BTD: variants seen among roughly 807,000 people sequenced by gnomAD.
BTD encodes the protein biotinidase.
Under a neutral mutation model 17.7 loss-of-function variants are expected in BTD, and 13 were observed. The observed-to-expected ratio is 0.74, with a 90% CI of 0.48 to 1.17. BTD has a LOEUF of 1.17. BTD is among the 50% of genes most tolerant of loss of function. The pLI is 0.00. For missense variants in BTD, 674 were observed against 650.4 expected (o/e 1.04, Z -0.39); for synonymous variants, 240 against 245.2 (o/e 0.98, Z 0.20).
chr3:15,716,741 T>C (rs796536210), downstream of BTD, among the ~76,000 whole-genome samples: 3 of 152,286 alleles, frequency 2.0e-5, no homozygotes, highest in African/African-American at 7.2e-5. Context: ...ATGATGAAAT[T>C]TGGAAGATAT....
Position 15,641,913 on chromosome 3 carries a change from A to G in BTD, c.255A>G (p.Val85=). 6.2e-7 allele frequency: 1 copy of G among 1,609,030 alleles called. No individual in the cohort carries two copies. The highest frequency in any genetic ancestry group is 1.1e-5 in the South Asian group (1 of 90,652). ...QQVMTAAQKD[V]QIIVFPEDGI... is the part of the protein sequence containing the mutation. The stretch of plus-strand genomic sequence containing the variant: ...TTTGATGTTTTCATTTTCAGGATGT[A>G]CAGATTATAGTGTTTCCAGAAGATG... Residue 85 remains valine (V), a synonymous_variant, in exon 3 of 4, where the codon GTA becomes GTG. Coordinates refer to ENST00000643237, the MANE Select transcript of BTD (RefSeq NM_001370658.1).
At chr3:15,666,343 G>C in intron 3 of BTD, among the ~76,000 whole-genome samples, 1 of 152,178 alleles carries the variant, frequency 6.6e-6, no homozygotes, top group Non-Finnish European at 1.5e-5. Flanking sequence ...TGACTGCCTG[G>C]ATTTGAATCT....
chr3:15,658,743 G>C (rs2065895147), intron 3 of BTD, among the ~76,000 whole-genome samples: 1 of 152,154 alleles, frequency 6.6e-6, no homozygotes, highest in Non-Finnish European at 1.5e-5. Flanking sequence ...TCTCCAATCT[G>C]TATTCAATGC....
intron 3 of BTD, chr3:15,676,757 G>C: frequency 2.5e-6 from 1 of 399,982 alleles, no homozygotes; most frequent in Non-Finnish European, 4.5e-6. Flanking sequence ...ATACATTATT[G>C]TCAATGTTAT....
chr3:15,713,696 G>A (rs78839093), downstream of BTD: 5,170 of 1,138,502 alleles, frequency 4.5e-3, 29 homozygotes, highest in East Asian at 0.015. Context: ...CAGGTCAAAC[G>A]TACTACATGA....
chr3:15,715,240 T>A (rs1038764512), downstream of BTD, among the ~76,000 whole-genome samples: 3 of 152,178 alleles, frequency 2.0e-5, no homozygotes, highest in African/African-American at 7.2e-5. Context: ...TTAGGTAGTG[T>A]CTTTTCTTTT....
At chr3:15,671,774 G>A (rs1032959798) in intron 3 of BTD, among the ~76,000 whole-genome samples, 1 of 151,770 alleles carries the variant, frequency 6.6e-6, no homozygotes, top group Admixed American at 6.6e-5. Context: ...TAGTAGAGAT[G>A]GGATTTCGCT....
At position 15,645,311 on chromosome 3, in the gene BTD, C is replaced by G. The variant is rs201604102; in HGVS notation, c.1395C>G (p.His465Gln). The change falls in exon 4 of 4, where the codon CAC becomes CAG. Residue 465 changes from histidine (H) to glutamine (Q), a missense_variant. Coordinates refer to ENST00000643237, the MANE Select transcript of BTD (RefSeq NM_001370658.1). ...AGGCCACGGGGATATTTGAGTTTCA[C>G]CTGTGGGGCAACTTCAGTACTTCCT... ...ITEATGIFEF[H>Q]LWGNFSTSYI... The G allele has an allele frequency of 1.2e-5, 19 of 1,614,204 alleles. No individual in the cohort carries two copies. In the African/African-American group the frequency reaches 2.5e-4, roughly 22 times the overall value.
At chr3:15,674,833 G>A (rs1297768359) in intron 3 of BTD, among the ~76,000 whole-genome samples, 2 of 152,208 alleles carry the variant, frequency 1.3e-5, no homozygotes, top group South Asian at 2.1e-4. Flanking sequence ...ACGATCAGTT[G>A]TGCCAAAAGC....
At chr3:15,710,387 C>T (rs967530350) in exon 4 of BTD, among the ~76,000 whole-genome samples, 19 of 152,080 alleles carry the variant, frequency 1.2e-4, no homozygotes, top group Admixed American at 9.2e-4. Flanking sequence ...TCTGTTGTCC[C>T]TCTCTCTGTA....
intron 1 of BTD, among the ~76,000 whole-genome samples, chr3:15,627,692 C>T (rs551468459): frequency 1.3e-5 from 2 of 152,274 alleles, no homozygotes; most frequent in Admixed American, 1.3e-4. Flanking sequence ...TGTTTCTAGC[C>T]TATCCTATTA....
intron 3 of BTD, among the ~76,000 whole-genome samples, chr3:15,700,882 G>A (rs2070482617): frequency 6.6e-6 from 1 of 152,160 alleles, no homozygotes; most frequent in African/African-American, 2.4e-5. Context: ...CCATAAAAGT[G>A]AAATAGCCTC....
intron 1 of BTD, among the ~76,000 whole-genome samples, chr3:15,627,863 A>G (rs1186599513): frequency 6.6e-6 from 1 of 152,186 alleles, no homozygotes; most frequent in African/African-American, 2.4e-5. Flanking sequence ...CTGGGATTAC[A>G]GTGCCTGCCA....
chr3:15,649,238 T>C lies in BTD; in HGVS notation c.*3750T>C, dbSNP rs1353161534. ...GGGTCTTTCCATAGGGATAGCTGAG[T>C]GTCCTCATGATGTGGCCCCTGGCTT... On this transcript the variant is annotated 3_prime_UTR_variant, in exon 4 of 4. Transcript: ENST00000643237. 1.3e-5 allele frequency among the ~76,000 whole-genome samples: 2 copies of C among 152,188 alleles called. No homozygotes were observed. Among genetic ancestry groups the C allele is most frequent in the African/African-American group, 4.8e-5 (2 of 41,454 alleles).
chr3:15,602,356 T>C (rs2064290145), intron 1 of BTD: 1 of 1,000,830 alleles, frequency 1.0e-6, no homozygotes, highest in Admixed American at 5.0e-5. Context: ...CTAATCCATA[T>C]TACTCTCCGC....
At chr3:15,703,333 A>G (rs575730954) in intron 3 of BTD, among the ~76,000 whole-genome samples, 1 of 152,310 alleles carries the variant, frequency 6.6e-6, no homozygotes, top group East Asian at 1.9e-4. Flanking sequence ...GAGTGTTGCT[A>G]TGGTCTAAAT....
At chr3:15,704,728 A>G (rs1002504144) in intron 3 of BTD, among the ~76,000 whole-genome samples, 1 of 152,178 alleles carries the variant, frequency 6.6e-6, no homozygotes, top group Admixed American at 6.5e-5. Context: ...TAAGAAAAAT[A>G]AATCCTTTAA....
intron 3 of BTD, among the ~76,000 whole-genome samples, chr3:15,673,968 G>T (rs2066642274): frequency 6.6e-6 from 1 of 151,880 alleles, no homozygotes; most frequent in African/African-American, 2.4e-5. Flanking sequence ...TTGAGGCCAG[G>T]AGTTCAAGAC....
At chr3:15,632,016 C>T (rs1191555605) in intron 1 of BTD, among the ~76,000 whole-genome samples, 5 of 152,174 alleles carry the variant, frequency 3.3e-5, no homozygotes, top group Admixed American at 2.6e-4. Flanking sequence ...CTCCAGCCCC[C>T]TGCTGTCCTT....
Sources: gnomAD v4.1 joint callset for allele counts (sites outside exome capture counted in the v4.1 genomes callset) on GRCh38, gnomAD v4.1.1 for gene constraint, MANE v1.5 for transcripts, NCBI Gene and HGNC (gene_info 2026-07-23, HGNC 2026-07-21) for gene names.